CHODL: variants seen among roughly 807,000 people sequenced by gnomAD.
CHODL encodes transmembrane protein MT75.
Under a neutral mutation model 34.5 loss-of-function variants are expected in CHODL, and 29 were observed. That is an observed-to-expected ratio of 0.84 (90% confidence interval 0.63 to 1.15). The LOEUF is 1.15. Among genes scored for constraint, CHODL ranks in the 50% most tolerant of loss-of-function variants. The pLI is 0.00. For synonymous variants in CHODL, 125 were observed against 116.1 expected (o/e 1.08, Z -0.49); for missense variants, 332 against 332.5 (o/e 1.00, Z 0.01).
At chr21:18,262,021 A>G (rs1241254171) in intron 4 of CHODL, among the ~76,000 whole-genome samples, 2 of 151,704 alleles carry the variant, frequency 1.3e-5, no homozygotes, top group East Asian at 1.9e-4. Flanking sequence ...TAATCTTAAT[A>G]ATTATTATTT....
intron 2 of CHODL, among the ~76,000 whole-genome samples, chr21:18,043,152 T>A (rs1393845198): frequency 6.6e-6 from 1 of 151,956 alleles, no homozygotes; most frequent in Non-Finnish European, 1.5e-5. Flanking sequence ...TGAGTCTATC[T>A]CTACTATAGG....
At chr21:18,022,747 T>C (rs982852030) in intron 1 of CHODL, among the ~76,000 whole-genome samples, 2 of 152,222 alleles carry the variant, frequency 1.3e-5, no homozygotes, top group Non-Finnish European at 2.9e-5. Flanking sequence ...GGAATGCTTT[T>C]CTAAACTCAA....
intron 2 of CHODL, among the ~76,000 whole-genome samples, chr21:18,155,426 G>A (rs2073023328): frequency 1.3e-5 from 2 of 152,162 alleles, no homozygotes; most frequent in African/African-American, 4.8e-5. Flanking sequence ...ACCCTCTGGA[G>A]AGAAGGAAAT....
intron 2 of CHODL, among the ~76,000 whole-genome samples, chr21:18,076,058 T>A (rs2064862163): frequency 6.6e-6 from 1 of 152,198 alleles, no homozygotes; most frequent in Non-Finnish European, 1.5e-5. Flanking sequence ...GTTGTTTATA[T>A]GCCACCTAGT....
intron 1 of CHODL, among the ~76,000 whole-genome samples, chr21:17,938,678 C>T (rs552428025): frequency 8.5e-4 from 129 of 152,010 alleles, no homozygotes; most frequent in African/African-American, 2.9e-3. Flanking sequence ...CGGGGTTTCA[C>T]GGTGTTAGCC....
chr21:18,012,253 C>T (rs1367838764), intron 1 of CHODL, among the ~76,000 whole-genome samples: 1 of 152,202 alleles, frequency 6.6e-6, no homozygotes, highest in East Asian at 1.9e-4. Flanking sequence ...CCCTTGCTCT[C>T]ATTTGTCATC....
chr21:18,029,171 T>A (rs898141571), intron 2 of CHODL, among the ~76,000 whole-genome samples: 2 of 152,182 alleles, frequency 1.3e-5, no homozygotes, highest in African/African-American at 4.8e-5. Context: ...CCTAAAGCAA[T>A]AGATCTATTT....
At chr21:17,946,062 A>T (rs1050377941) in intron 1 of CHODL, among the ~76,000 whole-genome samples, 15 of 148,688 alleles carry the variant, frequency 1.0e-4, no homozygotes, top group African/African-American at 3.4e-4. Flanking sequence ...AGTTCATCTT[A>T]AAAAAAAAAC....
intron 2 of CHODL, among the ~76,000 whole-genome samples, chr21:18,054,215 G>A (rs2064551865): frequency 6.6e-6 from 1 of 151,896 alleles, no homozygotes; most frequent in South Asian, 2.1e-4. Context: ...GAGAGAGAGG[G>A]AGGAAGAGAT....
At chr21:18,028,186 C>T (rs1010668536) in intron 2 of CHODL, among the ~76,000 whole-genome samples, 3 of 151,816 alleles carry the variant, frequency 2.0e-5, no homozygotes, top group African/African-American at 2.4e-5. Flanking sequence ...TATCACAGCA[C>T]CTTATTATTT....
chr21:18,007,287 C>T (rs1600887000), intron 1 of CHODL, among the ~76,000 whole-genome samples: 1 of 152,276 alleles, frequency 6.6e-6, no homozygotes, highest in East Asian at 1.9e-4. Context: ...TAACTATTTT[C>T]TAAGAGCTGA....
At chr21:18,265,723 G>T (rs9976819) in intron 5 of CHODL, among the ~76,000 whole-genome samples, 11 of 152,052 alleles carry the variant, frequency 7.2e-5, no homozygotes, top group African/African-American at 1.2e-4. Context: ...CTCTAAATTA[G>T]GAAATGTCAA....
At chr21:18,245,807 C>G (rs1400554446) in intron 1 of CHODL, 1 of 1,028,612 alleles carries the variant, frequency 9.7e-7, no homozygotes. Context: ...GGCATTCGGT[C>G]TTTGTTCTCA....
At chr21:18,231,090 A>G (rs761430145) in intron 2 of CHODL, among the ~76,000 whole-genome samples, 9 of 152,100 alleles carry the variant, frequency 5.9e-5, no homozygotes, top group Non-Finnish European at 1.0e-4. Flanking sequence ...TAGTGATACT[A>G]TAGTCCATTG....
At chr21:18,027,547 C>G (rs530920837) in intron 1 of CHODL, among the ~76,000 whole-genome samples, 15 of 152,200 alleles carry the variant, frequency 9.9e-5, no homozygotes, top group African/African-American at 3.6e-4. Flanking sequence ...AGCATTTCAC[C>G]TTGAAATGAG....
intron 1 of CHODL, among the ~76,000 whole-genome samples, chr21:17,918,924 C>T (rs1034261249): frequency 8.9e-4 from 136 of 152,340 alleles, no homozygotes; most frequent in African/African-American, 1.1e-3. Flanking sequence ...CTACAGGCCC[C>T]GTGCAAATCA....
intron 1 of CHODL, among the ~76,000 whole-genome samples, chr21:17,981,095 C>G (rs10482893): frequency 0.11 from 17,064 of 152,154 alleles, 1,261 homozygotes; most frequent in Middle Eastern, 0.3. Context: ...CTATACAAAC[C>G]CTGATGTCAC....
At chr21:18,221,419 T>TGTTCAGTTTTTGGAGATACCA (rs2073882720) in intron 2 of CHODL, among the ~76,000 whole-genome samples, 1 of 152,208 alleles carries the variant, frequency 6.6e-6, no homozygotes, top group Non-Finnish European at 1.5e-5. Context: ...TGAAAAACTA[T>TGTTCAGTTTTTGGAGATACCA]TGTGTTCTCT....
At chr21:17,932,001 G>C (rs1330158866) in intron 1 of CHODL, among the ~76,000 whole-genome samples, 2 of 152,140 alleles carry the variant, frequency 1.3e-5, no homozygotes, top group African/African-American at 4.8e-5. Flanking sequence ...GAAGTAATCA[G>C]TGGAGTAAGC....
Sources: gnomAD v4.1 joint callset for allele counts (sites outside exome capture counted in the v4.1 genomes callset) on GRCh38, gnomAD v4.1.1 for gene constraint, MANE v1.5 for transcripts, NCBI Gene and HGNC (gene_info 2026-07-23, HGNC 2026-07-21) for gene names.